Variants in ROBO1 observed in about 807,000 individuals in gnomAD.
The protein encoded by ROBO1 is roundabout homolog 1.
A neutral mutation model predicts 195.9 loss-of-function variants in ROBO1; 149 were observed. The ratio of observed to expected loss-of-function variants is 0.76; its 90% CI spans 0.67 to 0.87. The LOEUF is 0.87. ROBO1 is among the 40% of genes least tolerant of loss of function. The probability of loss-of-function intolerance (pLI) is 0.00; values close to 1 mark genes in which losing one functional copy is unlikely to be tolerated. For missense variants in ROBO1, 1,933 were observed against 2,068.3 expected (o/e 0.93, Z 1.27); for synonymous variants, 816 against 733.2 (o/e 1.11, Z -1.82).
At chr3:78,793,529 T>C (rs1451057418) in intron 4 of ROBO1, among the ~76,000 whole-genome samples, 2 of 152,198 alleles carry the variant, frequency 1.3e-5, no homozygotes, top group East Asian at 1.9e-4. Flanking sequence ...GTGGGTCTAA[T>C]TGCAGGTACA....
chr3:79,524,121 G>A (rs1439672041), intron 2 of ROBO1, among the ~76,000 whole-genome samples: 1 of 151,968 alleles, frequency 6.6e-6, no homozygotes. Context: ...AAGAGTCTTC[G>A]TTAGAGAAAG....
At chr3:79,162,167 G>A (rs2080979738) in intron 2 of ROBO1, among the ~76,000 whole-genome samples, 1 of 152,038 alleles carries the variant, frequency 6.6e-6, no homozygotes, top group Non-Finnish European at 1.5e-5. Context: ...CTGCTTCTTG[G>A]ACAGTAAAAT....
intron 4 of ROBO1, among the ~76,000 whole-genome samples, chr3:78,885,398 C>T (rs2036487281): frequency 8.0e-6 from 1 of 125,220 alleles, no homozygotes; most frequent in Admixed American, 9.3e-5. Context: ...CACTTGTAAC[C>T]CTGAATTTAA....
At chr3:78,845,693 G>C (rs1479538233) in intron 4 of ROBO1, among the ~76,000 whole-genome samples, 1 of 151,676 alleles carries the variant, frequency 6.6e-6, no homozygotes, top group Non-Finnish European at 1.5e-5. Context: ...TAGAAGCTAA[G>C]CCTAATGCCC....
At chr3:78,889,213 T>C (rs962933392) in intron 4 of ROBO1, among the ~76,000 whole-genome samples, 1 of 152,224 alleles carries the variant, frequency 6.6e-6, no homozygotes, top group Admixed American at 6.5e-5. Flanking sequence ...TCTATAGTTA[T>C]ATTAAGCAAT....
intron 3 of ROBO1, among the ~76,000 whole-genome samples, chr3:79,015,727 T>C (rs959343345): frequency 2.0e-5 from 3 of 152,154 alleles, no homozygotes; most frequent in Non-Finnish European, 2.9e-5. Flanking sequence ...CTCAGTTTCA[T>C]TGAATGAAAG....
intron 2 of ROBO1, among the ~76,000 whole-genome samples, chr3:79,181,081 A>T (rs1283430174): frequency 1.3e-5 from 2 of 152,140 alleles, no homozygotes; most frequent in African/African-American, 4.8e-5. Flanking sequence ...TTTCCAAGCC[A>T]TCTGTCTCTC....
In ROBO1 at chr3:79,396,107, G is replaced by C. The variant is rs577996076; in HGVS notation, c.88+193717C>G. On this transcript the variant is annotated intron_variant, in intron 2 of 30. Transcript: ENST00000464233. ...CTTATAAAAGCTCTCAAGTATTTTT[G>C]TTATTAACTTGAGGAATAAACAATA... 6.6e-4 allele frequency among the ~76,000 whole-genome samples: 100 copies of C among 152,114 alleles called. 1 individual carries two copies. Among genetic ancestry groups the C allele is most frequent in the Non-Finnish European group, 1.0e-3 (69 of 67,916 alleles).
chr3:79,303,897 G>A (rs377003995), intron 2 of ROBO1, among the ~76,000 whole-genome samples: 3 of 151,800 alleles, frequency 2.0e-5, no homozygotes, highest in African/African-American at 7.3e-5. Context: ...TCAAAGCATA[G>A]TTTAATGTAA....
At chr3:79,301,173 G>T (rs568462427) in intron 2 of ROBO1, among the ~76,000 whole-genome samples, 1 of 152,266 alleles carries the variant, frequency 6.6e-6, no homozygotes, top group Middle Eastern at 3.4e-3. Flanking sequence ...GCAAAGGTCT[G>T]CAGCTTCACT....
At chr3:79,694,456 A>G (rs1195643692) in intron 1 of ROBO1, among the ~76,000 whole-genome samples, 3 of 151,718 alleles carry the variant, frequency 2.0e-5, no homozygotes, top group African/African-American at 4.8e-5. Flanking sequence ...ACTCTGGGCT[A>G]TCTCCACCTC....
Position 78,774,431 on chromosome 3 carries a change from C to T in ROBO1, c.500-27531G>A, listed in dbSNP as rs536932354. Among the ~76,000 whole-genome samples the T allele has an allele frequency of 2.9e-4, 44 of 152,178 alleles. 1 individual carries two copies. Among genetic ancestry groups the T allele is most frequent in the Admixed American group, 3.9e-4 (6 of 15,296 alleles). On this transcript the variant is annotated intron_variant, in intron 4 of 30. Transcript: ENST00000464233. ...GTTCACGCCATTCTCCTGCCTCAGC[C>T]TCCCAAGTAGCTGGGACTACAGGCG...
intron 4 of ROBO1, among the ~76,000 whole-genome samples, chr3:78,804,704 TC>T (rs1309837357): frequency 6.8e-6 from 1 of 147,376 alleles, no homozygotes; most frequent in Non-Finnish European, 1.5e-5. Context: ...GGGTTTCTGT[TC>T]CTTGAGTCAA....
At chr3:79,297,833 C>G (rs1383863946) in intron 2 of ROBO1, among the ~76,000 whole-genome samples, 1 of 151,970 alleles carries the variant, frequency 6.6e-6, no homozygotes, top group Non-Finnish European at 1.5e-5. Context: ...TTAATAAATA[C>G]TATTCTGGAG....
intron 2 of ROBO1, among the ~76,000 whole-genome samples, chr3:79,482,217 T>C (rs1013785475): frequency 2.0e-5 from 3 of 152,192 alleles, no homozygotes; most frequent in African/African-American, 7.2e-5. Context: ...GCTCTACCTA[T>C]GTGAAGATGT....
intron 3 of ROBO1, among the ~76,000 whole-genome samples, chr3:79,028,102 C>A (rs893477289): frequency 1.1e-4 from 17 of 151,872 alleles, no homozygotes. Context: ...TGGCTGATAG[C>A]CTTATATTCA....
At chr3:79,287,773 A>C (rs1251297522) in intron 2 of ROBO1, among the ~76,000 whole-genome samples, 1 of 152,192 alleles carries the variant, frequency 6.6e-6, no homozygotes, top group African/African-American at 2.4e-5. Context: ...AGAAAGGGGA[A>C]AATTTAAATA....
chr3:79,509,414 T>A (rs1940583814), intron 2 of ROBO1, among the ~76,000 whole-genome samples: 1 of 152,158 alleles, frequency 6.6e-6, no homozygotes, highest in Non-Finnish European at 1.5e-5. Context: ...AAAAAGCTGC[T>A]GGGATATGGG....
At chr3:78,616,742 C>T in intron 27 of ROBO1, among the ~76,000 whole-genome samples, 1 of 151,992 alleles carries the variant, frequency 6.6e-6, no homozygotes, top group East Asian at 1.9e-4. Flanking sequence ...TCTTGGCTAT[C>T]AAAAATATAA....
Sources: gnomAD v4.1 joint callset for allele counts (sites outside exome capture counted in the v4.1 genomes callset) on GRCh38, gnomAD v4.1.1 for gene constraint, MANE v1.5 for transcripts, NCBI Gene and HGNC (gene_info 2026-07-23, HGNC 2026-07-21) for gene names.